ATP6V0A4: variants seen among roughly 807,000 people sequenced by gnomAD.
ATP6V0A4 encodes ATPase H+ transporting V0 subunit a4.
Under a neutral mutation model 107.3 loss-of-function variants are expected in ATP6V0A4, and 86 were observed. The ratio of observed to expected loss-of-function variants is 0.80; its 90% CI spans 0.67 to 0.96. The LOEUF is 0.96. ATP6V0A4 is among the 40% of genes least tolerant of loss of function. ATP6V0A4 has a pLI of 0.00. For missense variants in ATP6V0A4, 908 were observed against 1,045.6 expected, an observed-to-expected ratio of 0.87 and a Z score of 1.81; for synonymous variants, 353 against 381.4, an observed-to-expected ratio of 0.93 and a Z score of 0.87.
At chr7:138,795,940 C>A (rs924860563) in intron 1 of ATP6V0A4, among the ~76,000 whole-genome samples, 2 of 152,142 alleles carry the variant, frequency 1.3e-5, no homozygotes, top group Non-Finnish European at 2.9e-5. Flanking sequence ...CAGGCGTGTG[C>A]CAATATGCCT....
Position 138,771,360 on chromosome 7 carries a change from GA to G in ATP6V0A4, c.-17-97del, listed in dbSNP as rs1001891123. The stretch of plus-strand genomic sequence containing the variant: ...TTAAGTTAAATTAAAATCTAACAGG[GA>G]AAAAAAATCCATTAGGAATCACTTC... On this transcript the variant is annotated intron_variant, in intron 2 of 21. Transcript: ENST00000310018. 95 of 1,341,210 alleles carry G rather than the reference GA, an allele frequency of 7.1e-5. No homozygotes were observed. In the East Asian group the frequency reaches 8.4e-4, roughly 12 times the overall value. The allele number at this position is 1,341,210 out of a possible 1,614,324, so 83.1% of individuals were successfully genotyped here.
intron 20 of ATP6V0A4, among the ~76,000 whole-genome samples, chr7:138,712,599 T>G (rs1308387221): frequency 6.6e-6 from 1 of 152,144 alleles, no homozygotes; most frequent in Non-Finnish European, 1.5e-5. Context: ...GTGTTTTAAT[T>G]TTTTCCCCAT....
At chr7:138,748,294 C>T (rs1429039224) in intron 12 of ATP6V0A4, among the ~76,000 whole-genome samples, 1 of 152,188 alleles carries the variant, frequency 6.6e-6, no homozygotes, top group Non-Finnish European at 1.5e-5. Context: ...GACCCTCAAC[C>T]CAGGAGGCCC....
At chr7:138,781,534 C>T (rs1190631570) in intron 2 of ATP6V0A4, among the ~76,000 whole-genome samples, 1 of 152,090 alleles carries the variant, frequency 6.6e-6, no homozygotes, top group East Asian at 1.9e-4. Flanking sequence ...GTTTCACCAT[C>T]TTGGCCAGGC....
intron 14 of ATP6V0A4, among the ~76,000 whole-genome samples, chr7:138,742,741 C>T (rs1805695986): frequency 1.3e-5 from 2 of 150,830 alleles, no homozygotes; most frequent in Admixed American, 6.6e-5. Flanking sequence ...CTATATTGCC[C>T]AGGCTGGTCT....
In ATP6V0A4 at chr7:138,745,956, A is replaced by ATAT. The variant is rs368085887; in HGVS notation, c.1321-677_1321-676insATA. Among the ~76,000 whole-genome samples the ATAT allele has an allele frequency of 4.2e-3, 144 of 34,642 alleles. 1 individual carries two copies. The East Asian group carries it at 0.057, about 14-fold the overall frequency. 22.7% of individuals were successfully genotyped at this position (34,642 alleles called of 152,430 possible). ...AAGACTCTGTCTCAAAAAAAAAAAA[A>ATAT]AAAAAAATATATATATATATATAAA... On this transcript the variant is annotated intron_variant, in intron 13 of 21. Transcript: ENST00000310018.
intron 19 of ATP6V0A4, among the ~76,000 whole-genome samples, chr7:138,717,428 C>CCAG (rs1389984079): frequency 2.6e-5 from 4 of 152,044 alleles, no homozygotes; most frequent in Non-Finnish European, 4.4e-5. Context: ...CACCTGTAAT[C>CCAG]CAGCTACTCA....
At position 138,745,168 on chromosome 7, in the gene ATP6V0A4, C is replaced by G; in HGVS notation, c.1433G>C (p.Gly478Ala). 1 of 1,614,190 alleles carries G rather than the reference C, an allele frequency of 6.2e-7. No homozygotes were observed. The highest frequency in any genetic ancestry group is 8.5e-7 in the Non-Finnish European group (1 of 1,180,026). ...CATGGGTTGGACACTCCAAGAAGAG[C>G]CAAAGATGTTCAAGGACTTGGAGAA... ...DCFSKSLNIF[G>A]SSWSVQPMFR... Residue 478 changes from glycine (G) to alanine (A), a missense_variant, in exon 14 of 22, where the codon GGC becomes GCC. By Grantham distance (60) the Gly-to-Ala change is moderately conservative. Coordinates refer to ENST00000310018, the MANE Select transcript of ATP6V0A4 (RefSeq NM_020632.3).
intron 1 of ATP6V0A4, among the ~76,000 whole-genome samples, chr7:138,794,762 G>A (rs1808577546): frequency 6.6e-6 from 1 of 152,162 alleles, no homozygotes; most frequent in African/African-American, 2.4e-5. Context: ...GAGGAAATGG[G>A]CCACATGGAG....
At position 138,760,460 on chromosome 7, in the gene ATP6V0A4, A is replaced by AAG. The variant is rs1554398839; in HGVS notation, c.513-583_513-582insCT. 8.2e-4 allele frequency among the ~76,000 whole-genome samples: 119 copies of AAG among 145,024 alleles called. 4 individuals are homozygous for AAG. The highest frequency in any genetic ancestry group is 1.6e-3 in the African/African-American group (61 of 38,336). On this transcript the variant is annotated intron_variant, in intron 7 of 21. Coordinates refer to ENST00000310018, the MANE Select transcript of ATP6V0A4 (RefSeq NM_020632.3). Reference sequence around the variant, plus strand: ...ACTCTGTCTCAAAAAAAAAAAAAAAAAAAAGAATATGATAGACCATTCATC... The same window carrying AAG: ...ACTCTGTCTCAAAAAAAAAAAAAAAAAGAAAAGAATATGATAGACCATTCATC...
intron 5 of ATP6V0A4, among the ~76,000 whole-genome samples, chr7:138,766,911 A>G (rs1334790100): frequency 1.3e-5 from 2 of 152,238 alleles, no homozygotes; most frequent in Admixed American, 6.5e-5. Context: ...TGAAAAGGCT[A>G]TTAAAATATT....
chr7:138,774,313 TCACGCCGGTAATTC>T (rs1245257798), intron 2 of ATP6V0A4, among the ~76,000 whole-genome samples: 1 of 151,386 alleles, frequency 6.6e-6, no homozygotes, highest in African/African-American at 2.5e-5. Flanking sequence ...GCGCCGTGGC[TCACGCCGGTAATTC>T]CAGCACTTTG....
At chr7:138,785,760 A>C (rs1808151824) in intron 2 of ATP6V0A4, among the ~76,000 whole-genome samples, 1 of 151,880 alleles carries the variant, frequency 6.6e-6, no homozygotes, top group African/African-American at 2.4e-5. Context: ...CACACACACA[A>C]ACACACCCAT....
intron 15 of ATP6V0A4, among the ~76,000 whole-genome samples, chr7:138,739,229 C>T (rs3734940): frequency 0.58 from 87,846 of 152,010 alleles, 25,970 homozygotes; most frequent in East Asian, 0.92. Context: ...CTAAATAGCT[C>T]ATGTAATATG....
intron 17 of ATP6V0A4, among the ~76,000 whole-genome samples, chr7:138,729,173 G>A (rs934114980): frequency 1.3e-5 from 2 of 151,954 alleles, no homozygotes; most frequent in Non-Finnish European, 2.9e-5. Context: ...CATTATAAAG[G>A]CACCCCTTGT....
In ATP6V0A4 at chr7:138,721,918, A is replaced by T; in HGVS notation, c.2118T>A (p.Ala706=). ...ATACCTCTTCTCCATGGTCGTCCAG[A>T]GCCCCGTGGGTATCTGCAGAAGTCC... ...GQRTSADTHG[A]LDDHGEEFNF... The change falls in exon 19 of 22, where the codon GCT becomes GCA. Residue 706 remains alanine (A), a synonymous_variant. Transcript: ENST00000310018. 1 of 1,614,032 alleles carries T rather than the reference A, an allele frequency of 6.2e-7. No individual in the cohort carries two copies. The highest frequency in any genetic ancestry group is 2.2e-5 in the East Asian group (1 of 44,864).
Position 138,743,319 on chromosome 7 carries a change from G to A in ATP6V0A4, c.1478+1804C>T, listed in dbSNP as rs183151481. 7.2e-5 allele frequency among the ~76,000 whole-genome samples: 11 copies of A among 152,052 alleles called. No individual in the cohort carries two copies. In the East Asian group the frequency reaches 2.1e-3, roughly 29 times the overall value. Reference sequence around the variant, plus strand: ...CTAAAAATACAAAACTTAGCTGGGTGTGGTGGTGTGTGCCTGTAGTCCCAG... The same window carrying A: ...CTAAAAATACAAAACTTAGCTGGGTATGGTGGTGTGTGCCTGTAGTCCCAG... On this transcript the variant is annotated intron_variant, in intron 14 of 21. Transcript: ENST00000310018.
intron 2 of ATP6V0A4, among the ~76,000 whole-genome samples, chr7:138,775,862 G>C (rs981830863): frequency 1.3e-5 from 2 of 152,124 alleles, no homozygotes; most frequent in Non-Finnish European, 2.9e-5. Context: ...GGGTTAGCCA[G>C]GATGGTCTCG....
rs1051004377 is a variant in ATP6V0A4, at chr7:138,728,973, A to T, written c.1909-111T>A. 2.4e-5 allele frequency: 38 copies of T among 1,582,516 alleles called. No homozygotes were observed. In the South Asian group the frequency reaches 4.3e-4, roughly 18 times the overall value. On this transcript the variant is annotated intron_variant, in intron 17 of 21. Transcript: ENST00000310018. ...CTTCACTAGCACTTTATTTTGAGAG[A>T]TCTAAAGCATTTCAATGAATCCATT...
Sources: allele counts gnomAD v4.1 joint callset (sites outside exome capture counted in the v4.1 genomes callset), GRCh38; gene constraint gnomAD v4.1.1; transcripts MANE v1.5; gene names NCBI Gene and HGNC (gene_info 2026-07-23, HGNC 2026-07-21).